FGD4: variants seen among roughly 807,000 people sequenced by gnomAD.
FGD4 encodes the protein FYVE, RhoGEF and PH domain containing 4.
In FGD4, 42 loss-of-function variants were observed where a neutral mutation model predicts 102.0. The observed-to-expected ratio is 0.41, with a 90% CI of 0.32 to 0.53. The LOEUF is 0.53. FGD4 is among the 20% of genes least tolerant of loss of function. The pLI is 0.21. For missense variants in FGD4, 902 were observed against 1,078.2 expected (o/e 0.84, Z 2.29); for synonymous variants, 380 against 375.7 (o/e 1.01, Z -0.13).
intron 2 of FGD4, among the ~76,000 whole-genome samples, chr12:32,575,406 G>T (rs1303804965): frequency 6.6e-6 from 1 of 152,128 alleles, no homozygotes; most frequent in Non-Finnish European, 1.5e-5. Context: ...AGAGAGAAGG[G>T]GGAGGTTTCA....
chr12:32,476,761 C>T lies in FGD4; in HGVS notation c.166+76802C>T, dbSNP rs759902547. Reference sequence around the variant, plus strand: ...CCTGGCCTCTTAAAGATTAAGCTCGCATTTGGCATACAGTGGAATTTCTGG... The same window carrying T: ...CCTGGCCTCTTAAAGATTAAGCTCGTATTTGGCATACAGTGGAATTTCTGG... On this transcript the variant is annotated intron_variant, in intron 1 of 16. Transcript: ENST00000534526. 5.1e-4 allele frequency among the ~76,000 whole-genome samples: 78 copies of T among 152,126 alleles called. 1 individual carries two copies. Among genetic ancestry groups the T allele is most frequent in the Non-Finnish European group, 1.0e-3 (69 of 68,042 alleles).
chr12:32,640,601 T>C lies in FGD4; in HGVS notation c.*68T>C, dbSNP rs998812814. The C allele has an allele frequency of 6.2e-7, 1 of 1,606,754 alleles. No individual in the cohort carries two copies. The highest frequency in any genetic ancestry group is 8.5e-7 in the Non-Finnish European group (1 of 1,176,036). Reference sequence around the variant, plus strand: ...CAGCTCAAGACATTCCCAGCTCTTCTTACACATCTGCTAGCACTTTATGTT... The same window carrying C: ...CAGCTCAAGACATTCCCAGCTCTTCCTACACATCTGCTAGCACTTTATGTT... On this transcript the variant is annotated 3_prime_UTR_variant, in exon 17 of 17. Transcript: ENST00000534526.
chr12:32,600,726 T>C (rs1347442638), intron 5 of FGD4, among the ~76,000 whole-genome samples: 1 of 152,070 alleles, frequency 6.6e-6, no homozygotes, highest in Non-Finnish European at 1.5e-5. Context: ...AATTGAAATA[T>C]TCCTTTGTCC....
intron 1 of FGD4, among the ~76,000 whole-genome samples, chr12:32,547,490 C>G (rs1379475111): frequency 6.6e-6 from 1 of 152,188 alleles, no homozygotes; most frequent in African/African-American, 2.4e-5. Flanking sequence ...TCTTAATCAT[C>G]TGTATAATGG....
At chr12:32,557,158 A>G (rs1944188098) in intron 1 of FGD4, among the ~76,000 whole-genome samples, 2 of 152,226 alleles carry the variant, frequency 1.3e-5, no homozygotes, top group Admixed American at 6.5e-5. Flanking sequence ...CAGCAGGGAT[A>G]TGCTTTTTTA....
At chr12:32,600,551 G>T in intron 5 of FGD4, 12 of 800,228 alleles carry the variant, frequency 1.5e-5, no homozygotes, top group South Asian at 3.2e-5. Flanking sequence ...CTGAAGGTTT[G>T]GGTTTTTGTT....
chr12:32,533,967 G>C (rs1942022793), intron 1 of FGD4, among the ~76,000 whole-genome samples: 1 of 152,234 alleles, frequency 6.6e-6, no homozygotes, highest in African/African-American at 2.4e-5. Context: ...CATTCAAAAT[G>C]AGATTTTAAC....
intron 5 of FGD4, among the ~76,000 whole-genome samples, chr12:32,599,867 G>C (rs2136630982): frequency 6.6e-6 from 1 of 151,978 alleles, no homozygotes; most frequent in South Asian, 2.1e-4. Flanking sequence ...TCCTAATCCT[G>C]TTTCAGCAAT....
intron 1 of FGD4, among the ~76,000 whole-genome samples, chr12:32,480,746 T>A (rs573804801): frequency 3.3e-5 from 5 of 149,610 alleles, no homozygotes; most frequent in South Asian, 2.1e-4. Context: ...TGATCCGCCC[T>A]CCTTGGCCCC....
intron 1 of FGD4, among the ~76,000 whole-genome samples, chr12:32,422,750 A>G (rs867166508): frequency 2.0e-4 from 30 of 152,326 alleles, no homozygotes; most frequent in Admixed American, 8.5e-4. Context: ...AATTAAAAAC[A>G]TAGTATATAT....
At chr12:32,574,111 AT>A (rs1311319700) in intron 2 of FGD4, among the ~76,000 whole-genome samples, 1 of 152,204 alleles carries the variant, frequency 6.6e-6, no homozygotes, top group Non-Finnish European at 1.5e-5. Flanking sequence ...GGTGGACACA[AT>A]TTAGATTGGG....
intron 1 of FGD4, among the ~76,000 whole-genome samples, chr12:32,547,431 A>C (rs915407921): frequency 6.6e-6 from 1 of 152,158 alleles, no homozygotes; most frequent in African/African-American, 2.4e-5. Context: ...ATGTAAAAAC[A>C]AAAAATACAC....
At chr12:32,575,472 A>G (rs751699723) in intron 2 of FGD4, among the ~76,000 whole-genome samples, 4 of 152,196 alleles carry the variant, frequency 2.6e-5, no homozygotes, top group Non-Finnish European at 4.4e-5. Flanking sequence ...CCTATTCACT[A>G]TGGCAAGAAT....
intron 1 of FGD4, among the ~76,000 whole-genome samples, chr12:32,455,865 G>A (rs1034173279): frequency 1.3e-5 from 2 of 152,130 alleles, no homozygotes; most frequent in Non-Finnish European, 2.9e-5. Flanking sequence ...TAGTCACAGA[G>A]TTCTAGACTA....
At chr12:32,497,142 C>A (rs1937871766) in intron 1 of FGD4, among the ~76,000 whole-genome samples, 1 of 151,996 alleles carries the variant, frequency 6.6e-6, no homozygotes, top group East Asian at 1.9e-4. Flanking sequence ...TTGGGCAAGT[C>A]CTGGAACAAC....
intron 1 of FGD4, among the ~76,000 whole-genome samples, chr12:32,490,294 T>C (rs1397244907): frequency 6.6e-6 from 1 of 152,166 alleles, no homozygotes; most frequent in African/African-American, 2.4e-5. Context: ...TTTGTAGTTT[T>C]TCTTAAATTG....
At chr12:32,412,748 T>C (rs1171275319) in intron 1 of FGD4, among the ~76,000 whole-genome samples, 1 of 151,898 alleles carries the variant, frequency 6.6e-6, no homozygotes, top group Non-Finnish European at 1.5e-5. Context: ...ACCCATCTAA[T>C]TTTTTGTATT....
chr12:32,401,949 C>T (rs1940685726), intron 1 of FGD4, among the ~76,000 whole-genome samples: 2 of 144,074 alleles, frequency 1.4e-5, no homozygotes, highest in African/African-American at 5.2e-5. Flanking sequence ...GTCGCCCAGG[C>T]TGGAGTGCAG....
intron 10 of FGD4, among the ~76,000 whole-genome samples, chr12:32,617,374 A>G (rs1338782316): frequency 2.0e-5 from 3 of 152,240 alleles, no homozygotes; most frequent in Non-Finnish European, 4.4e-5. Context: ...CGAGCACTAG[A>G]AATTTTCTCC....
Sources: gnomAD v4.1 joint callset for allele counts (sites outside exome capture counted in the v4.1 genomes callset) on GRCh38, gnomAD v4.1.1 for gene constraint, MANE v1.5 for transcripts, NCBI Gene and HGNC (gene_info 2026-07-23, HGNC 2026-07-21) for gene names.